Variants in ARHGEF17 observed in about 807,000 individuals in gnomAD.
The protein encoded by ARHGEF17 is 164 kDa Rho-specific guanine-nucleotide exchange factor.
ARHGEF17 carries 80 observed loss-of-function variants against 174.0 expected under a neutral mutation model. That is an observed-to-expected ratio of 0.46 (90% CI 0.38 to 0.55). The LOEUF is 0.55. Among genes scored for constraint, ARHGEF17 ranks in the 20% least tolerant of loss-of-function variants. The pLI, the probability that ARHGEF17 is intolerant of heterozygous loss-of-function variation, is 0.00. For missense variants in ARHGEF17, 2,886 were observed against 2,839.7 expected, an observed-to-expected ratio of 1.02 and a Z score of -0.37; for synonymous variants, 1,311 against 1,189.1, an observed-to-expected ratio of 1.10 and a Z score of -2.11.
chr11:73,360,976 C>G lies in ARHGEF17; in HGVS notation c.4421-112C>G, dbSNP rs1327305384. On this transcript the variant is annotated intron_variant, in intron 11 of 20. Transcript: ENST00000263674. ...AATGTGGCTGGGATCAGGCCTTCCC[C>G]TAAAGAGACCCTGAGGGGCAGGGGA... 3.5e-6 allele frequency: 3 copies of G among 867,758 alleles called. No individual in the cohort carries two copies. The South Asian group carries it at 4.9e-5, about 14-fold the overall frequency. 53.8% of individuals were successfully genotyped at this position (867,758 alleles called of 1,614,324 possible). A position where few individuals can be genotyped will look rare whatever the true frequency, so the allele number is the denominator to read the frequency against.
chr11:73,367,505 G>A (rs138141827), intron 20 of ARHGEF17, 79 bp from the exon 21 acceptor site: 4 of 1,238,026 alleles, frequency 3.2e-6, no homozygotes, highest in Non-Finnish European at 4.6e-6. Context: ...ATCTTCTGGG[G>A]TGTGGGAATT....
Position 73,364,563 on chromosome 11 carries a change from G to C in ARHGEF17, c.5513G>C (p.Arg1838Pro). The change falls in exon 18 of 21, where the codon CGA (arginine) becomes CCA (proline). Residue 1838 changes from arginine to proline, a missense_variant. Around this residue, in one of 4 missense-constraint regions of ARHGEF17, gnomAD observed 329 missense variants for 435.2 expected, o/e 0.76. Coordinates refer to ENST00000263674, the MANE Select transcript of ARHGEF17 (RefSeq NM_014786.4). The part of the protein sequence containing the change: ...GGRLWCGCQN[R>P]VLVLSPDTLQ... ...CGGCTGTGGTGTGGCTGCCAGAACC[G>C]AGTCCTTGTCCTGAGCCCTGACACG... The C allele has an allele frequency of 6.2e-7, 1 of 1,613,670 alleles. No individual in the cohort carries two copies. Among genetic ancestry groups the C allele is most frequent in the Non-Finnish European group, 8.5e-7 (1 of 1,179,924 alleles).
At chr11:73,333,134 A>G (rs1054730517) in intron 1 of ARHGEF17, among the ~76,000 whole-genome samples, 3 of 152,200 alleles carry the variant, frequency 2.0e-5, no homozygotes, top group Admixed American at 6.5e-5. Context: ...TGTAAACTCT[A>G]AGGTACTGGG....
chr11:73,349,665 C>G (rs529693122), intron 2 of ARHGEF17, among the ~76,000 whole-genome samples: 56 of 152,300 alleles, frequency 3.7e-4, no homozygotes, highest in African/African-American at 1.2e-3. Context: ...GGCACCCATG[C>G]CTGTTCACAG....
chr11:73,360,481 T>C lies in ARHGEF17; in HGVS notation c.4368T>C (p.Pro1456=). The change falls in exon 11 of 21, where the codon CCT becomes CCC. Residue 1456 remains proline (P), a synonymous_variant. Coordinates refer to ENST00000263674, the MANE Select transcript of ARHGEF17 (RefSeq NM_014786.4). ...CCTACATTTTTGAGTTCCCTCACCC[T>C]GACGCCCGCCTTGGTTTTGAACAGG... ...TDSYIFEFPH[P]DARLGFEQAF... 6.2e-7 allele frequency: 1 copy of C among 1,614,048 alleles called. No individual in the cohort carries two copies. The highest frequency in any genetic ancestry group is 8.5e-7 in the Non-Finnish European group (1 of 1,180,040).
At chr11:73,355,113 G>C (rs982182677) in intron 3 of ARHGEF17, among the ~76,000 whole-genome samples, 1 of 152,216 alleles carries the variant, frequency 6.6e-6, no homozygotes, top group African/African-American at 2.4e-5. Context: ...CATTCCTGGT[G>C]GGGGGATCTG....
rs1351065996 is a variant in ARHGEF17 at position 73,329,410 on chromosome 11, T to C, written c.3193-17473T>C. Reference sequence around the variant, plus strand: ...TTTTTGTATTTTGGGTTTTTGTTTTTTTTTTTTGAGACGGAGTCTCATTCT... The same window carrying C: ...TTTTTGTATTTTGGGTTTTTGTTTTCTTTTTTTGAGACGGAGTCTCATTCT... On this transcript the variant is annotated intron_variant, in intron 1 of 20. Coordinates refer to ENST00000263674, the MANE Select transcript of ARHGEF17 (RefSeq NM_014786.4). 1.3e-4 allele frequency among the ~76,000 whole-genome samples: 15 copies of C among 116,370 alleles called. 3 individuals carry two copies. Among genetic ancestry groups the C allele is most frequent in the African/African-American group, 7.1e-4 (13 of 18,210 alleles). 76.3% of individuals were successfully genotyped at this position (116,370 alleles called of 152,430 possible).
At chr11:73,335,418 A>G (rs772308438) in intron 1 of ARHGEF17, among the ~76,000 whole-genome samples, 1 of 151,964 alleles carries the variant, frequency 6.6e-6, no homozygotes. Context: ...CTATCCATCT[A>G]CTTCTCAAGC....
chr11:73,362,837 G>A, intron 14 of ARHGEF17, 103 bp downstream of exon 14: 4 of 1,391,782 alleles, frequency 2.9e-6, no homozygotes, highest in Non-Finnish European at 3.9e-6. Context: ...CATGGCGTCA[G>A]ACCTCAGGAT....
chr11:73,346,050 G>A (rs981149850), intron 1 of ARHGEF17, among the ~76,000 whole-genome samples: 4 of 152,204 alleles, frequency 2.6e-5, no homozygotes, highest in Middle Eastern at 6.8e-3. Flanking sequence ...CCCAGACAGG[G>A]ATGAGCACCC....
intron 1 of ARHGEF17, 100 bp from the exon 2 acceptor site, chr11:73,346,783 G>A: frequency 4.2e-6 from 4 of 955,584 alleles, no homozygotes; most frequent in Non-Finnish European, 5.8e-6. Flanking sequence ...AGGAGGGCAG[G>A]GAGAGGGTGT....
At chr11:73,362,260 T>G (rs1591762234) in intron 13 of ARHGEF17, 21 bp downstream of exon 13, 1 of 1,493,856 alleles carries the variant, frequency 6.7e-7, no homozygotes, top group Admixed American at 2.3e-5. Context: ...GGCGGCGGGG[T>G]GGGCGGCACC....
At chr11:73,326,812 G>A (rs1434450335) in intron 1 of ARHGEF17, among the ~76,000 whole-genome samples, 1 of 152,244 alleles carries the variant, frequency 6.6e-6, no homozygotes, top group Non-Finnish European at 1.5e-5. Flanking sequence ...AAAGCAGGCT[G>A]ATCTCATTGA....
In ARHGEF17 at chr11:73,356,349, G is replaced by A; in HGVS notation, c.3838G>A (p.Asp1280Asn). The A allele has an allele frequency of 1.2e-6, 2 of 1,608,528 alleles. No homozygotes were observed. Among genetic ancestry groups the A allele is most frequent in the East Asian group, 2.2e-5 (1 of 44,856 alleles). The part of the protein sequence containing the change: ...EIEAHIEGME[D>N]LQAPLRRFLR... Reference sequence around the variant, plus strand: ...AGAGGCTCACATCGAGGGCATGGAGGATGTGCGTGCGCCCTGCCCCACCCC... The same window carrying A: ...AGAGGCTCACATCGAGGGCATGGAGAATGTGCGTGCGCCCTGCCCCACCCC... The change falls in exon 6 of 21, where the codon GAT becomes AAT. Residue 1280 changes from aspartate (D) to asparagine (N), a missense_variant and splice_region_variant. Physicochemically the swap from Asp to Asn is conservative, Grantham distance 23. Around this residue, in one of 4 missense-constraint regions of ARHGEF17, gnomAD observed 353 missense variants for 470.3 expected, o/e 0.75. Transcript: ENST00000263674.
intron 1 of ARHGEF17, among the ~76,000 whole-genome samples, chr11:73,335,434 C>G (rs530682992): frequency 3.3e-5 from 5 of 152,296 alleles, no homozygotes; most frequent in Admixed American, 2.6e-4. Context: ...CAAGCCCCAC[C>G]TCCTGCTTCC....
intron 1 of ARHGEF17, among the ~76,000 whole-genome samples, chr11:73,323,538 T>G (rs1865050586): frequency 1.3e-5 from 2 of 152,178 alleles, no homozygotes; most frequent in African/African-American, 4.8e-5. Flanking sequence ...GAGCCGCGCT[T>G]TAGGGAGAGG....
intron 1 of ARHGEF17, among the ~76,000 whole-genome samples, chr11:73,342,612 A>G (rs912038961): frequency 8.6e-5 from 13 of 151,916 alleles, no homozygotes; most frequent in Non-Finnish European, 1.6e-4. Context: ...AACGTGGCCT[A>G]TTCCGTGTAG....
At chr11:73,356,146 G>C (rs201396302) in intron 5 of ARHGEF17, 29 bp from the exon 6 acceptor site, 227 of 1,611,664 alleles carry the variant, frequency 1.4e-4, no homozygotes, top group Non-Finnish European at 4.3e-5. Flanking sequence ...TAGCTAAGCA[G>C]TCAGGTCTGC....
rs776091012 is a variant in ARHGEF17 at position 73,356,003 on chromosome 11, G to A, written c.3663+50G>A. 14 of 1,608,674 alleles carry A rather than the reference G, an allele frequency of 8.7e-6. No homozygotes were observed. In the African/African-American group the frequency reaches 1.3e-4, roughly 15 times the overall value. On this transcript the variant is annotated intron_variant, in intron 5 of 20. Transcript: ENST00000263674. Reference sequence around the variant, plus strand: ...GTGGGCAAGGCCTGGAAGCATGGGGGGATACAAGGAGGTCTAAGGCCCCTG... The same window carrying A: ...GTGGGCAAGGCCTGGAAGCATGGGGAGATACAAGGAGGTCTAAGGCCCCTG...
Sources: gnomAD v4.1 joint callset for allele counts (sites outside exome capture counted in the v4.1 genomes callset) on GRCh38, gnomAD v4.1.1 for gene constraint, gnomAD v4.1.1 regional missense constraint, MANE v1.5 for transcripts, NCBI Gene and HGNC (gene_info 2026-07-23, HGNC 2026-07-21) for gene names.